The following CACNA1C variants were observed in gnomAD, a reference collection of about 807,000 sequenced individuals.
CACNA1C encodes the protein calcium voltage-gated channel subunit alpha1 C, also known as voltage-dependent L-type calcium channel subunit alpha-1C.
In CACNA1C, 30 loss-of-function variants were observed where a neutral mutation model predicts 229.0. The observed-to-expected ratio is 0.13, with a 90% CI of 0.10 to 0.18. CACNA1C has a LOEUF of 0.18. Ranked by LOEUF, CACNA1C falls within the 10% of genes least tolerant of loss-of-function variation. The probability of loss-of-function intolerance (pLI) is 1.00; values close to 1 mark genes in which losing one functional copy is unlikely to be tolerated. For synonymous variants in CACNA1C, 1,114 were observed against 1,132.5 expected (o/e 0.98, Z 0.33); for missense variants, 1,658 against 2,845.0 (o/e 0.58, Z 9.49).
intron 5 of CACNA1C, among the ~76,000 whole-genome samples, chr12:2,463,083 T>G (rs1008835786): frequency 3.0e-5 from 2 of 66,564 alleles, no homozygotes; most frequent in African/African-American, 1.3e-4. Flanking sequence ...CGGCTAATTT[T>G]TGTATTTTTA....
chr12:2,580,984 G>A (rs923373284), intron 13 of CACNA1C, among the ~76,000 whole-genome samples: 10 of 152,186 alleles, frequency 6.6e-5, no homozygotes, highest in African/African-American at 1.2e-4. Context: ...TTAGGACAGC[G>A]TAAACTTGGG....
At chr12:2,660,886 G>C (rs2095682792) in intron 34 of CACNA1C, 1 of 151,814 alleles carries the variant, frequency 6.6e-6, no homozygotes, top group Non-Finnish European at 1.5e-5. Flanking sequence ...AGAGAATGAA[G>C]GAGACCAAAG....
chr12:2,450,109 C>T (rs1027100381), intron 4 of CACNA1C, among the ~76,000 whole-genome samples: 14 of 152,188 alleles, frequency 9.2e-5, no homozygotes, highest in African/African-American at 3.4e-4. Flanking sequence ...AAGGTAGAGT[C>T]AGTCTAGGCT....
In CACNA1C at chr12:2,284,482, G is replaced by A. The variant is rs184059330; in HGVS notation, c.477+164052G>A. ...GGAGGGTGCAGAACAGGACCCAGGC[G>A]CAGCACAGAACAGCCCTCCAGGCGG... is the stretch of plus-strand genomic sequence containing the variant. On this transcript the variant is annotated intron_variant, in intron 3 of 46. Coordinates refer to ENST00000399655, the MANE Select transcript of CACNA1C (RefSeq NM_000719.7). Among the ~76,000 whole-genome samples, 5 of 152,270 alleles carry A rather than the reference G, an allele frequency of 3.3e-5. No homozygotes were observed. The East Asian group carries it at 7.8e-4, about 24-fold the overall frequency.
rs2097294096 is a variant in CACNA1C at position 2,354,375 on chromosome 12, T to A, written c.478-94601T>A. On this transcript the variant is annotated intron_variant, in intron 3 of 46. Transcript: ENST00000399655. This position sits in a 1 kb window ranked among gnomAD's most constrained non-coding sequence, Gnocchi z 4.6. ...TCGCTCTGCAGCCACCTGCTTGGAG[T>A]GGTGATAAGCCAAATCTTTCTTTAG... is the stretch of plus-strand genomic sequence containing the variant. Among the ~76,000 whole-genome samples, 1 of 151,810 alleles carries A rather than the reference T, an allele frequency of 6.6e-6. No individual in the cohort carries two copies. Among genetic ancestry groups the A allele is most frequent in the Non-Finnish European group, 1.5e-5 (1 of 67,960 alleles).
intron 3 of CACNA1C, among the ~76,000 whole-genome samples, chr12:2,176,724 C>A (rs1160118010): frequency 6.6e-6 from 1 of 152,182 alleles, no homozygotes; most frequent in Non-Finnish European, 1.5e-5. Context: ...GGAGCAGAAA[C>A]CTTCCTCCCC....
At chr12:2,519,502 C>T (rs2099805330) in intron 9 of CACNA1C, among the ~76,000 whole-genome samples, 1 of 152,172 alleles carries the variant, frequency 6.6e-6, no homozygotes, top group South Asian at 2.1e-4. Flanking sequence ...TTTCCAATAG[C>T]CCTCAGTCAC....
chr12:2,257,176 A>G (rs887824208), intron 3 of CACNA1C, among the ~76,000 whole-genome samples: 4 of 152,216 alleles, frequency 2.6e-5, no homozygotes, highest in African/African-American at 9.7e-5. Context: ...AAGATCGTCC[A>G]GGCCCGGAAG....
chr12:2,274,371 G>A (rs898567994), intron 3 of CACNA1C, among the ~76,000 whole-genome samples: 2 of 152,200 alleles, frequency 1.3e-5, no homozygotes, highest in African/African-American at 2.4e-5. Flanking sequence ...AATAGGGGAA[G>A]CATGATCTGG....
intron 9 of CACNA1C, among the ~76,000 whole-genome samples, chr12:2,536,404 T>A (rs1009851097): frequency 3.8e-4 from 58 of 152,140 alleles, no homozygotes; most frequent in African/African-American, 1.3e-3. Flanking sequence ...CTCCGTGATG[T>A]GCATCAATGG....
chr12:2,262,988 G>A (rs2080915825), intron 3 of CACNA1C, among the ~76,000 whole-genome samples: 1 of 152,128 alleles, frequency 6.6e-6, no homozygotes, highest in Admixed American at 6.5e-5. Flanking sequence ...GAACATAAAG[G>A]AAAAAATATA....
intron 3 of CACNA1C, among the ~76,000 whole-genome samples, chr12:2,343,722 G>A (rs2096927989): frequency 6.6e-6 from 1 of 152,130 alleles, no homozygotes; most frequent in Admixed American, 6.5e-5. Flanking sequence ...GTGTTAATTA[G>A]ATAATGCTTC....
chr12:2,472,942 C>T (rs1353872088), intron 5 of CACNA1C, among the ~76,000 whole-genome samples: 1 of 152,200 alleles, frequency 6.6e-6, no homozygotes, highest in African/African-American at 2.4e-5. Flanking sequence ...TAATTTTCCC[C>T]TCCTGATGTT....
In CACNA1C at chr12:2,686,222, G is replaced by A. The variant is rs181502604; in HGVS notation, c.5737G>A (p.Asp1913Asn). The A allele has an allele frequency of 2.5e-5, 40 of 1,613,650 alleles. No homozygotes were observed. In the East Asian group the frequency reaches 7.8e-4, roughly 31 times the overall value. Residue 1913 changes from aspartate (D) to asparagine (N), a missense_variant, in exon 45 of 47, where the codon GAC (aspartate) becomes AAC (asparagine). Physicochemically the swap from Asp to Asn is conservative, Grantham distance 23. Coordinates refer to ENST00000399655, the MANE Select transcript of CACNA1C (RefSeq NM_000719.7). ...CLKRQKDRGG[D>N]ISQKTVLPLH... ...GAAGCGACAGAAGGACCGAGGGGGA[G>A]ACATCTCTCAGAAGACAGTCCTGCC...
chr12:2,202,567 A>G (rs2097614812), intron 3 of CACNA1C, among the ~76,000 whole-genome samples: 1 of 152,120 alleles, frequency 6.6e-6, no homozygotes, highest in Non-Finnish European at 1.5e-5. Context: ...GGGGATGAGG[A>G]CCTTCAGTCC....
At chr12:2,617,569 T>C (rs2081274952) in intron 29 of CACNA1C, among the ~76,000 whole-genome samples, 1 of 152,210 alleles carries the variant, frequency 6.6e-6, no homozygotes, top group Non-Finnish European at 1.5e-5. Flanking sequence ...ATCCTGTGGC[T>C]TCCAGAGCAG....
intron 3 of CACNA1C, among the ~76,000 whole-genome samples, chr12:2,216,813 G>A (rs2154344650): frequency 6.6e-6 from 1 of 152,352 alleles, no homozygotes; most frequent in Non-Finnish European, 1.5e-5. Context: ...AAGGCAAAAT[G>A]TGTAGACTCC....
At chr12:2,498,002 C>CACACA (rs1491106908) in intron 7 of CACNA1C, among the ~76,000 whole-genome samples, 1 of 149,820 alleles carries the variant, frequency 6.7e-6, no homozygotes, top group African/African-American at 2.5e-5. Flanking sequence ...CACACACACA[C>CACACA]AACAGCTATT....
intron 3 of CACNA1C, among the ~76,000 whole-genome samples, chr12:2,366,705 G>T (rs967941927): frequency 1.1e-4 from 16 of 152,154 alleles, no homozygotes; most frequent in Non-Finnish European, 1.8e-4. Flanking sequence ...TTATTAGTCT[G>T]TTCTCACACT....
Sources: allele counts gnomAD v4.1 joint callset (sites outside exome capture counted in the v4.1 genomes callset), GRCh38; gene constraint gnomAD v4.1.1; non-coding constraint Gnocchi (gnomAD v3.1); transcripts MANE v1.5; gene names NCBI Gene and HGNC (gene_info 2026-07-23, HGNC 2026-07-21).